The following NTM variants were observed in gnomAD, a reference collection of about 807,000 sequenced individuals.
NTM encodes the protein IgLON family member 2.
NTM carries 13 observed loss-of-function variants against 42.1 expected under a neutral mutation model. The ratio of observed to expected loss-of-function variants is 0.31; its 90% CI spans 0.20 to 0.49. The LOEUF (loss-of-function observed/expected upper bound fraction) is 0.49. NTM is among the 20% of genes least tolerant of loss of function. The pLI is 0.99. For missense variants in NTM, 373 were observed against 452.8 expected (o/e 0.82, Z 1.60); for synonymous variants, 187 against 179.2 (o/e 1.04, Z -0.35).
chr11:132,024,560 A>G (rs936501516), intron 2 of NTM, among the ~76,000 whole-genome samples: 11 of 152,070 alleles, frequency 7.2e-5, no homozygotes, highest in African/African-American at 2.7e-4. Context: ...TTCGATCCCC[A>G]GTTGGTTGAA....
intron 1 of NTM, among the ~76,000 whole-genome samples, chr11:131,854,969 C>T (rs1380088325): frequency 6.6e-6 from 1 of 152,014 alleles, no homozygotes; most frequent in African/African-American, 2.4e-5. Context: ...TAGACCAATG[C>T]AATGCACAGA....
At chr11:131,555,573 T>G (rs762537086) in intron 1 of NTM, among the ~76,000 whole-genome samples, 1 of 152,080 alleles carries the variant, frequency 6.6e-6, no homozygotes, top group Non-Finnish European at 1.5e-5. Context: ...ACAGGTAGAT[T>G]TGGAGTAAGT....
intron 2 of NTM, among the ~76,000 whole-genome samples, chr11:132,023,586 G>T (rs116466779): frequency 0.01 from 1,578 of 152,244 alleles, 34 homozygotes; most frequent in African/African-American, 0.036. Context: ...TGCATTTCCA[G>T]ACTCCTTCTC....
At chr11:131,371,581 GTTTA>G (rs1051081691) in intron 1 of NTM, among the ~76,000 whole-genome samples, 13 of 152,116 alleles carry the variant, frequency 8.5e-5, no homozygotes, top group African/African-American at 3.1e-4. Context: ...CTAATTTTCT[GTTTA>G]TTTATCGGCT....
At chr11:131,654,400 G>A (rs574510053) in intron 1 of NTM, among the ~76,000 whole-genome samples, 56 of 152,172 alleles carry the variant, frequency 3.7e-4, no homozygotes, top group Non-Finnish European at 6.3e-4. Context: ...CACAAGAACC[G>A]CAGTTGTATT....
intron 1 of NTM, among the ~76,000 whole-genome samples, chr11:131,878,595 ATATATATATAT>A (rs1324591209): frequency 7.2e-4 from 8 of 11,146 alleles, no homozygotes; most frequent in Admixed American, 1.5e-3. Context: ...AAAAAAAAAA[ATATATATATAT>A]ATATATATAT....
intron 1 of NTM, chr11:131,796,071 G>A (rs1201075456): frequency 1.0e-6 from 1 of 985,308 alleles, no homozygotes; most frequent in Non-Finnish European, 1.2e-6. Flanking sequence ...AAACAGGAAA[G>A]CGTAACTCAC....
intron 1 of NTM, chr11:131,582,214 C>T (rs2058471104): frequency 6.6e-6 from 1 of 152,130 alleles, no homozygotes; most frequent in African/African-American, 2.4e-5. Flanking sequence ...GTTTCCTATA[C>T]TAGTGAAATC....
At chr11:131,774,676 AG>A (rs1232688540) in intron 1 of NTM, among the ~76,000 whole-genome samples, 1 of 152,216 alleles carries the variant, frequency 6.6e-6, no homozygotes, top group Non-Finnish European at 1.5e-5. Flanking sequence ...CTTGCCATTA[AG>A]GGATGCCCTC....
intron 4 of NTM, among the ~76,000 whole-genome samples, chr11:132,277,062 TTA>T (rs1434663869): frequency 1.3e-5 from 2 of 152,242 alleles, no homozygotes; most frequent in African/African-American, 4.8e-5. Flanking sequence ...TGTAAATTCC[TTA>T]TGTTTCTACA....
intron 1 of NTM, among the ~76,000 whole-genome samples, chr11:131,376,211 G>T (rs1424424626): frequency 2.0e-5 from 3 of 152,130 alleles, no homozygotes; most frequent in Admixed American, 6.5e-5. Context: ...TCCCCAAAAG[G>T]TTCTCTGGGA....
intron 1 of NTM, among the ~76,000 whole-genome samples, chr11:131,630,699 C>T (rs916769588): frequency 1.3e-5 from 2 of 152,160 alleles, no homozygotes; most frequent in Admixed American, 1.3e-4. Context: ...TTCCTCTTTG[C>T]TGTATCCCTC....
intron 3 of NTM, among the ~76,000 whole-genome samples, chr11:132,197,911 G>A (rs184869499): frequency 1.3e-5 from 2 of 152,068 alleles, no homozygotes; most frequent in Admixed American, 1.3e-4. Flanking sequence ...TTGGACATTT[G>A]GATTGGTTCC....
At chr11:131,689,028 G>A (rs535375867) in intron 1 of NTM, among the ~76,000 whole-genome samples, 2 of 151,490 alleles carry the variant, frequency 1.3e-5, no homozygotes, top group Admixed American at 6.5e-5. Flanking sequence ...AATTTTACAC[G>A]TGCATGCCTT....
chr11:131,874,378 T>G (rs1172539393), intron 1 of NTM, among the ~76,000 whole-genome samples: 1 of 151,960 alleles, frequency 6.6e-6, no homozygotes, highest in Non-Finnish European at 1.5e-5. Flanking sequence ...ATGGCTAATT[T>G]TTTTCAATTG....
At chr11:131,517,736 C>A (rs1368193395) in intron 1 of NTM, among the ~76,000 whole-genome samples, 1 of 152,278 alleles carries the variant, frequency 6.6e-6, no homozygotes, top group South Asian at 2.1e-4. Flanking sequence ...ATTCCTGTAC[C>A]TGTATTGACC....
At chr11:131,949,901 A>G (rs1202597996) in intron 2 of NTM, among the ~76,000 whole-genome samples, 1 of 138,716 alleles carries the variant, frequency 7.2e-6, no homozygotes, top group Non-Finnish European at 1.6e-5. Context: ...AGCTACTCAC[A>G]CTTTTCTCTT....
chr11:131,371,141 GC>G (rs756793586), intron 1 of NTM: 499 of 978,822 alleles, frequency 5.1e-4, no homozygotes, highest in Non-Finnish European at 5.7e-4. Flanking sequence ...TTAGGACTGT[GC>G]TTGTGTGCAA....
At chr11:131,643,296 T>C (rs887228810) in intron 1 of NTM, among the ~76,000 whole-genome samples, 3 of 152,236 alleles carry the variant, frequency 2.0e-5, no homozygotes, top group African/African-American at 2.4e-5. Flanking sequence ...ACACTTTCCA[T>C]GTGCCTGCTT....
Sources: allele counts gnomAD v4.1 joint callset (sites outside exome capture counted in the v4.1 genomes callset), GRCh38; gene constraint gnomAD v4.1.1; transcripts MANE v1.5; gene names NCBI Gene and HGNC (gene_info 2026-07-23, HGNC 2026-07-21).